Variants in RALGAPB observed in about 807,000 individuals in gnomAD.
The protein encoded by RALGAPB is ral GTPase-activating protein subunit beta.
Under a neutral mutation model 161.1 loss-of-function variants are expected in RALGAPB, and 25 were observed. The observed-to-expected ratio is 0.16, with a 90% CI of 0.11 to 0.22. The LOEUF is 0.22. Among genes scored for constraint, RALGAPB ranks in the 10% least tolerant of loss-of-function variants. RALGAPB has a pLI of 1.00. For synonymous variants in RALGAPB, 629 were observed against 626.1 expected (o/e 1.00, Z -0.07); for missense variants, 1,391 against 1,815.2 (o/e 0.77, Z 4.25).
chr20:38,546,557 G>A, intron 19 of RALGAPB, 127 bp downstream of exon 19: 1 of 1,301,188 alleles, frequency 7.7e-7, no homozygotes, highest in Non-Finnish European at 1.1e-6. Context: ...TTCTAGCTGT[G>A]GGACAATAGC....
intron 28 of RALGAPB, chr20:38,573,613 G>A (rs112131791): frequency 5.3e-5 from 8 of 152,270 alleles, no homozygotes; most frequent in African/African-American, 1.9e-4. Context: ...AGCTGGCTTA[G>A]ATTAATGGCT....
chr20:38,531,143 A>G (rs534606182), intron 13 of RALGAPB, 24 bp from the exon 14 acceptor site: 453 of 1,557,964 alleles, frequency 2.9e-4, no homozygotes, highest in Middle Eastern at 6.7e-4. Context: ...TTTTATATAA[A>G]ATACTGTTTT....
At position 38,531,249 on chromosome 20, in the gene RALGAPB, A is replaced by G; in HGVS notation, c.2115+18A>G. The stretch of plus-strand genomic sequence containing the variant: ...TGGAGATGGTAAGAAGCATACATGC[A>G]ATCTGTCAGAGAATATCACTTTTGA... On this transcript the variant is annotated intron_variant, in intron 14 of 29. Coordinates refer to ENST00000262879, the MANE Select transcript of RALGAPB (RefSeq NM_020336.4). 6.4e-7 allele frequency: 1 copy of G among 1,564,078 alleles called. No homozygotes were observed. The highest frequency in any genetic ancestry group is 8.8e-7 in the Non-Finnish European group (1 of 1,136,164).
intron 22 of RALGAPB, among the ~76,000 whole-genome samples, chr20:38,555,727 A>T (rs980701273): frequency 6.6e-6 from 1 of 152,220 alleles, no homozygotes. Flanking sequence ...GAAAATAATT[A>T]TCATGCTTTC....
At chr20:38,539,592 T>C (rs1037271737) in intron 16 of RALGAPB, among the ~76,000 whole-genome samples, 184 bp from the exon 17 acceptor site, 1 of 152,248 alleles carries the variant, frequency 6.6e-6, no homozygotes, top group Non-Finnish European at 1.5e-5. Flanking sequence ...AAAATGCCAC[T>C]ATTTTTTGTG....
In RALGAPB at chr20:38,575,285, C is replaced by T. The variant is rs1340980881; in HGVS notation, c.*318C>T. On this transcript the variant is annotated 3_prime_UTR_variant, in exon 30 of 30. Transcript: ENST00000262879. Reference sequence around the variant, plus strand: ...AAGGCTTTTATGCATCTCAGTTAAACACGTGCATTGGTAGTATCAACAAAT... The same window carrying T: ...AAGGCTTTTATGCATCTCAGTTAAATACGTGCATTGGTAGTATCAACAAAT... 4 of 237,404 alleles carry T rather than the reference C, an allele frequency of 1.7e-5. No individual in the cohort carries two copies. Among genetic ancestry groups the T allele is most frequent in the Non-Finnish European group, 3.3e-5 (4 of 121,662 alleles). 14.7% of individuals were successfully genotyped at this position (237,404 alleles called of 1,614,324 possible). A position where few individuals can be genotyped will look rare whatever the true frequency, so the allele number is the denominator to read the frequency against.
chr20:38,516,667 AT>A (rs1417230935), intron 7 of RALGAPB: 3 of 253,438 alleles, frequency 1.2e-5, no homozygotes, highest in Non-Finnish European at 2.3e-5. Context: ...AAGAACAAGA[AT>A]TAGGCCTAGT....
At chr20:38,517,357 G>C in intron 7 of RALGAPB, 149 bp from the exon 8 acceptor site, 1 of 655,346 alleles carries the variant, frequency 1.5e-6, no homozygotes, top group South Asian at 3.9e-5. Context: ...TACTCAGGAA[G>C]AAATAGTGAG....
chr20:38,486,029 G>A (rs554532718), intron 1 of RALGAPB, among the ~76,000 whole-genome samples: 1 of 144,030 alleles, frequency 6.9e-6, no homozygotes, highest in East Asian at 2.1e-4. Context: ...GGGTGCAATG[G>A]CACCATCTCT....
chr20:38,520,926 C>A (rs1045666348), intron 9 of RALGAPB, among the ~76,000 whole-genome samples: 1 of 152,108 alleles, frequency 6.6e-6, no homozygotes. Context: ...AATTCATTCT[C>A]ATTTTGCTTG....
Position 38,574,100 on chromosome 20 carries a change from C to G in RALGAPB, c.4143-50C>G. The G allele has an allele frequency of 3.3e-6, 5 of 1,535,490 alleles. No individual in the cohort carries two copies. In the South Asian group the frequency reaches 5.0e-5, roughly 15 times the overall value. On this transcript the variant is annotated intron_variant, in intron 28 of 29. Transcript: ENST00000262879. ...GGGGGACTTCAACTCTTGGGTGTCT[C>G]GGGGACTTCAACTCTTGGGTGTCTG...
chr20:38,483,585 C>T (rs1351296834), intron 1 of RALGAPB, among the ~76,000 whole-genome samples: 3 of 152,140 alleles, frequency 2.0e-5, no homozygotes, highest in Non-Finnish European at 4.4e-5. Context: ...ACTGGCAAAA[C>T]GTTCATGCTA....
chr20:38,487,920 G>A (rs1201540357), intron 1 of RALGAPB, among the ~76,000 whole-genome samples: 1 of 152,078 alleles, frequency 6.6e-6, no homozygotes, highest in Non-Finnish European at 1.5e-5. Context: ...TACAAAATTA[G>A]TCGGGCATGG....
chr20:38,476,403 A>G (rs1334156147), intron 1 of RALGAPB, among the ~76,000 whole-genome samples: 1 of 152,324 alleles, frequency 6.6e-6, no homozygotes, highest in East Asian at 1.9e-4. Flanking sequence ...GCGGAAAGTA[A>G]CTTGGTCAAG....
intron 1 of RALGAPB, among the ~76,000 whole-genome samples, chr20:38,480,583 C>CA (rs2084937984): frequency 6.6e-6 from 1 of 150,912 alleles, no homozygotes; most frequent in Non-Finnish European, 1.5e-5. Context: ...GATGGGGTTT[C>CA]ACCATGTTGG....
At chr20:38,498,946 C>T (rs947152934) in intron 4 of RALGAPB, among the ~76,000 whole-genome samples, 1 of 152,208 alleles carries the variant, frequency 6.6e-6, no homozygotes, top group African/African-American at 2.4e-5. Flanking sequence ...CCTTCACTTA[C>T]TGGCTGCATG....
At chr20:38,502,213 C>T (rs1346535507) in intron 5 of RALGAPB, among the ~76,000 whole-genome samples, 1 of 152,146 alleles carries the variant, frequency 6.6e-6, no homozygotes, top group African/African-American at 2.4e-5. Flanking sequence ...CTGAAAACTC[C>T]ATGTGACACT....
intron 16 of RALGAPB, among the ~76,000 whole-genome samples, chr20:38,536,221 A>AT (rs1201494758): frequency 6.6e-6 from 1 of 152,238 alleles, no homozygotes; most frequent in Non-Finnish European, 1.5e-5. Context: ...AAATGGAATC[A>AT]TACAATGTGT....
chr20:38,563,452 G>A (rs1036041412), intron 24 of RALGAPB, among the ~76,000 whole-genome samples: 2 of 152,210 alleles, frequency 1.3e-5, no homozygotes, highest in African/African-American at 4.8e-5. Context: ...GTAGTAAACA[G>A]CTGACCATCT....
Sources: gnomAD v4.1 joint callset for allele counts (sites outside exome capture counted in the v4.1 genomes callset) on GRCh38, gnomAD v4.1.1 for gene constraint, MANE v1.5 for transcripts, NCBI Gene and HGNC (gene_info 2026-07-23, HGNC 2026-07-21) for gene names.